The following MSL2 variants were observed in gnomAD, a reference collection of about 807,000 sequenced individuals.
The protein encoded by MSL2 is MSL complex subunit 2.
MSL2 carries 2 observed loss-of-function variants against 35.8 expected under a neutral mutation model. The observed-to-expected ratio is 0.06, with a 90% CI of 0.02 to 0.18. The LOEUF is 0.18. Among genes scored for constraint, MSL2 ranks in the 10% least tolerant of loss-of-function variants. The probability of loss-of-function intolerance (pLI) is 1.00; values close to 1 mark genes in which losing one functional copy is unlikely to be tolerated. For missense variants in MSL2, 523 were observed against 706.7 expected, an observed-to-expected ratio of 0.74 and a Z score of 2.95; for synonymous variants, 296 against 255.7, an observed-to-expected ratio of 1.16 and a Z score of -1.50.
rs1329921141 is a variant in MSL2 at position 136,180,816 on chromosome 3, G to GGGAAGGAA, written c.142+14148_142+14155dup. Among the ~76,000 whole-genome samples the GGGAAGGAA allele has an allele frequency of 3.7e-3, 198 of 53,598 alleles. 5 individuals are homozygous for GGGAAGGAA. Among genetic ancestry groups the GGGAAGGAA allele is most frequent in the Non-Finnish European group, 4.9e-3 (152 of 30,810 alleles). 35.2% of individuals were successfully genotyped at this position (53,598 alleles called of 152,430 possible). ...AGGGAGGGAGGGAGGGAGGGAAGGA[G>GGGAAGGAA]GGAAGGAAGGAAGGAAGGAAGGAAG... On this transcript the variant is annotated intron_variant, in intron 1 of 1. Transcript: ENST00000309993.
Position 136,151,722 on chromosome 3 carries a change from T to C in MSL2, c.1159A>G (p.Thr387Ala), listed in dbSNP as rs755261006. Residue 387 changes from threonine to alanine, a missense_variant, in exon 2 of 2, where the codon ACT becomes GCT. This residue lies in a region of MSL2 where 361 missense variants were observed against 414.6 expected (regional missense o/e 0.87). Transcript: ENST00000309993. This position sits in a 1 kb window ranked among gnomAD's most constrained non-coding sequence, Gnocchi z 5.2. ...ESKISLQPIA[T>A]VPNGGTTPKI... Reference sequence around the variant, plus strand: ...GGTGTTGTGCCTCCATTGGGAACAGTTGCTATAGGTTGAAGAGAAATTTTG... The same window carrying C: ...GGTGTTGTGCCTCCATTGGGAACAGCTGCTATAGGTTGAAGAGAAATTTTG... The C allele has an allele frequency of 1.1e-5, 17 of 1,614,030 alleles. No homozygotes were observed. Among genetic ancestry groups the C allele is most frequent in the Admixed American group, 5.0e-5 (3 of 59,984 alleles).
In MSL2 at chr3:136,195,629, G is replaced by A. The variant is rs1043475417; in HGVS notation, c.-516C>T. 8 of 980,656 alleles carry A rather than the reference G, an allele frequency of 8.2e-6. No individual in the cohort carries two copies. Among genetic ancestry groups the A allele is most frequent in the African/African-American group, 1.7e-5 (1 of 57,230 alleles). 60.7% of individuals were successfully genotyped at this position (980,656 alleles called of 1,614,324 possible). A position where few individuals can be genotyped will look rare whatever the true frequency, so the allele number is the denominator to read the frequency against. ...AGGCGGCGGCGACGGCAAGGACGAC[G>A]GTCGGGCAGCGGCTTCCCGGATCTA... On this transcript the variant is annotated 5_prime_UTR_variant, in exon 1 of 2. Transcript: ENST00000309993.
Position 136,195,445 on chromosome 3 carries a change from G to A in MSL2, c.-332C>T. 1.9e-6 allele frequency: 2 copies of A among 1,045,000 alleles called. No individual in the cohort carries two copies. The highest frequency in any genetic ancestry group is 2.3e-6 in the Non-Finnish European group (2 of 868,074). The allele number at this position is 1,045,000 out of a possible 1,614,324, so 64.7% of individuals were successfully genotyped here. A position where few individuals can be genotyped will look rare whatever the true frequency, so the allele number is the denominator to read the frequency against. Reference sequence around the variant, plus strand: ...ACTCGGAGCTCAGTCTAGCCCCGCGGCTCGGCAGGCGGCCTGCACTCGAGC... The same window carrying A: ...ACTCGGAGCTCAGTCTAGCCCCGCGACTCGGCAGGCGGCCTGCACTCGAGC... On this transcript the variant is annotated 5_prime_UTR_variant, in exon 1 of 2. Transcript: ENST00000309993.
intron 1 of MSL2, among the ~76,000 whole-genome samples, chr3:136,159,244 T>C (rs937890677): frequency 5.9e-5 from 9 of 151,682 alleles, no homozygotes; most frequent in Non-Finnish European, 1.0e-4. Flanking sequence ...TATAGACACA[T>C]GCATCAGTGG....
intron 1 of MSL2, among the ~76,000 whole-genome samples, chr3:136,161,952 T>C (rs904852754): frequency 2.0e-5 from 3 of 151,870 alleles, no homozygotes; most frequent in African/African-American, 4.8e-5. Context: ...ATTTTTTTTT[T>C]CTCAAGACGG....
Position 136,194,957 on chromosome 3 carries a change from T to C in MSL2, c.142+15A>G, listed in dbSNP as rs1449951255. 4 of 1,613,208 alleles carry C rather than the reference T, an allele frequency of 2.5e-6. No homozygotes were observed. Among genetic ancestry groups the C allele is most frequent in the Non-Finnish European group, 3.4e-6 (4 of 1,179,830 alleles). ...AAAACAAGCATTGAAAAGGGAACAA[T>C]AAAAAGCGTCTCACCGCAAACACAG... On this transcript the variant is annotated intron_variant, in intron 1 of 1. Transcript: ENST00000309993.
At chr3:136,194,925 G>A (rs779331024) in intron 1 of MSL2, 47 bp downstream of exon 1, 32 of 1,611,736 alleles carry the variant, frequency 2.0e-5, no homozygotes, top group Non-Finnish European at 2.5e-5. Context: ...TGCCCAGAAG[G>A]CTTTTAAAAA....
intron 1 of MSL2, among the ~76,000 whole-genome samples, chr3:136,188,649 G>A (rs956357817): frequency 6.7e-6 from 1 of 149,238 alleles, no homozygotes; most frequent in African/African-American, 2.5e-5. Context: ...TACTCAGGAC[G>A]ATGAGGTGGG....
chr3:136,194,823 A>G (rs1992952), intron 1 of MSL2, 149 bp downstream of exon 1: 1,268,008 of 1,268,028 alleles, frequency 1, 633,994 homozygotes, highest in East Asian at 1. Flanking sequence ...AAAGTCCCTC[A>G]GCAAGTTTCA....
chr3:136,185,123 C>T (rs1469872814), intron 1 of MSL2, among the ~76,000 whole-genome samples: 1 of 151,960 alleles, frequency 6.6e-6, no homozygotes, highest in African/African-American at 2.4e-5. Flanking sequence ...TACAGGCATG[C>T]GCCACCACAC....
rs550223874 is a variant in MSL2 at position 136,159,133 on chromosome 3, A to G, written c.143-6395T>C. ...CATATGGAATCACAGAGGACAGGCA[A>G]AACAACTTTGAAAAACAACAAAATT... is the stretch of plus-strand genomic sequence containing the variant. On this transcript the variant is annotated intron_variant, in intron 1 of 1. Coordinates refer to ENST00000309993, the MANE Select transcript of MSL2 (RefSeq NM_018133.4). Among the ~76,000 whole-genome samples, 6 of 152,276 alleles carry G rather than the reference A, an allele frequency of 3.9e-5. No homozygotes were observed. The South Asian group carries it at 1.2e-3, about 32-fold the overall frequency.
intron 1 of MSL2, among the ~76,000 whole-genome samples, chr3:136,175,762 A>AT (rs1289673995): frequency 2.0e-5 from 3 of 152,068 alleles, no homozygotes; most frequent in African/African-American, 7.2e-5. Context: ...AAATTTCCCC[A>AT]TTTTTCACCT....
intron 1 of MSL2, among the ~76,000 whole-genome samples, chr3:136,158,243 C>T (rs1362692690): frequency 6.6e-6 from 1 of 151,030 alleles, no homozygotes; most frequent in Non-Finnish European, 1.5e-5. Flanking sequence ...ATCCAGGAGG[C>T]GGAGGCTGCG....
chr3:136,158,538 C>T (rs1360177070), intron 1 of MSL2, among the ~76,000 whole-genome samples: 1 of 152,048 alleles, frequency 6.6e-6, no homozygotes. Context: ...CGCTTTCCTT[C>T]CAAAGATCAG....
chr3:136,195,627 A>G lies in MSL2; in HGVS notation c.-514T>C, dbSNP rs1291762243. 4 of 980,656 alleles carry G rather than the reference A, an allele frequency of 4.1e-6. No homozygotes were observed. Among genetic ancestry groups the G allele is most frequent in the Non-Finnish European group, 2.4e-6 (2 of 825,392 alleles). The allele number at this position is 980,656 out of a possible 1,614,324, so 60.7% of individuals were successfully genotyped here. ...GGAGGCGGCGGCGACGGCAAGGACG[A>G]CGGTCGGGCAGCGGCTTCCCGGATC... On this transcript the variant is annotated 5_prime_UTR_variant, in exon 1 of 2. Transcript: ENST00000309993.
At chr3:136,166,912 T>C (rs569708053) in intron 1 of MSL2, among the ~76,000 whole-genome samples, 1 of 152,338 alleles carries the variant, frequency 6.6e-6, no homozygotes, top group Admixed American at 6.5e-5. Context: ...AATTTTATGC[T>C]GATGTGCAGA....
chr3:136,180,816 G>GGAAGGAGGGAAGGAAGGAAGGAGGGAA (rs1553767129), intron 1 of MSL2, among the ~76,000 whole-genome samples: 2 of 53,608 alleles, frequency 3.7e-5, no homozygotes. Context: ...GAGGGAAGGA[G>GGAAGGAGGGAAGGAAGGAAGGAGGGAA]GGAAGGAAGG....
rs1940829016 is a variant in MSL2, at chr3:136,195,850, G to A, written c.-737C>T. ...GGGAAGGCCGGGGAGGAAGTGCGCG[G>A]GCCGCCGCCGGCGGGCGGGAGGGGG... On this transcript the variant is annotated 5_prime_UTR_variant, in exon 1 of 2. Coordinates refer to ENST00000309993, the MANE Select transcript of MSL2 (RefSeq NM_018133.4). 1.0e-6 allele frequency: 1 copy of A among 982,722 alleles called. No individual in the cohort carries two copies. Among genetic ancestry groups the A allele is most frequent in the Admixed American group, 6.2e-5 (1 of 16,188 alleles). 60.9% of individuals were successfully genotyped at this position (982,722 alleles called of 1,614,324 possible). A position where few individuals can be genotyped will look rare whatever the true frequency, so the allele number is the denominator to read the frequency against.
intron 1 of MSL2, among the ~76,000 whole-genome samples, chr3:136,165,468 G>A (rs902113077): frequency 3.3e-5 from 5 of 151,946 alleles, no homozygotes; most frequent in Non-Finnish European, 7.4e-5. Context: ...TAAATTTAAG[G>A]CTAAGACATA....
Sources: gnomAD v4.1 joint callset for allele counts (sites outside exome capture counted in the v4.1 genomes callset) on GRCh38, gnomAD v4.1.1 for gene constraint, gnomAD v4.1.1 regional missense constraint, Gnocchi (gnomAD v3.1) non-coding constraint, MANE v1.5 for transcripts, NCBI Gene and HGNC (gene_info 2026-07-23, HGNC 2026-07-21) for gene names.